KCNQ1: variants seen among roughly 807,000 people sequenced by gnomAD.
KCNQ1 encodes potassium voltage-gated channel subfamily KQT member 1.
KCNQ1 carries 49 observed loss-of-function variants against 72.4 expected under a neutral mutation model. The ratio of observed to expected loss-of-function variants is 0.68; its 90% CI spans 0.54 to 0.86. The LOEUF (loss-of-function observed/expected upper bound fraction) is 0.86. KCNQ1 is among the 40% of genes least tolerant of loss of function. The pLI, the probability that KCNQ1 is intolerant of heterozygous loss-of-function variation, is 0.00. For synonymous variants in KCNQ1, 450 were observed against 412.6 expected (o/e 1.09, Z -1.10); for missense variants, 790 against 945.1 (o/e 0.84, Z 2.15).
At chr11:2,747,345 C>T (rs1010494702) in intron 11 of KCNQ1, among the ~76,000 whole-genome samples, 1 of 152,220 alleles carries the variant, frequency 6.6e-6, no homozygotes, top group Non-Finnish European at 1.5e-5. Context: ...GTTTATTAAC[C>T]TCTCCTTCCC....
intron 10 of KCNQ1, among the ~76,000 whole-genome samples, chr11:2,606,451 G>A (rs1325617015): frequency 2.6e-5 from 4 of 152,108 alleles, no homozygotes; most frequent in Non-Finnish European, 4.4e-5. Flanking sequence ...TCTTACTCTG[G>A]TAGTTTATGC....
rs548246091 is a variant in KCNQ1 at position 2,447,304 on chromosome 11, G to A, written c.386+1820G>A. 1.3e-5 allele frequency among the ~76,000 whole-genome samples: 2 copies of A among 152,330 alleles called. No homozygotes were observed. Among genetic ancestry groups the A allele is most frequent in the East Asian group, 3.9e-4 (2 of 5,186 alleles). Reference sequence around the variant, plus strand: ...GGCTTCTGGGGACAGGGGCAGGATGGCTTCTGTGAAGGGGTGGCCAGGAAA... The same window carrying A: ...GGCTTCTGGGGACAGGGGCAGGATGACTTCTGTGAAGGGGTGGCCAGGAAA... On this transcript the variant is annotated intron_variant, in intron 1 of 15. Transcript: ENST00000155840. The surrounding 1 kb of genome is among the most constrained non-coding windows in gnomAD (Gnocchi z 7.6).
Position 2,803,564 on chromosome 11 carries a change from G to A in KCNQ1, c.1794+25527G>A, listed in dbSNP as rs924694586. 3.8e-4 allele frequency among the ~76,000 whole-genome samples: 58 copies of A among 152,098 alleles called. No homozygotes were observed. The highest frequency in any genetic ancestry group is 1.3e-3 in the African/African-American group (52 of 41,408). On this transcript the variant is annotated intron_variant, in intron 15 of 15. Transcript: ENST00000155840. The surrounding 1 kb of genome is among the most constrained non-coding windows in gnomAD (Gnocchi z 6.4). ...CACTGGCAGAGCTGGGGGTGATGGGGCTTCAGTGGAGCCCGCCAGGACTGG... is the reference window on the plus strand; with the variant it reads ...CACTGGCAGAGCTGGGGGTGATGGGACTTCAGTGGAGCCCGCCAGGACTGG...
chr11:2,532,323 G>A (rs179432), intron 2 of KCNQ1, among the ~76,000 whole-genome samples: 111,517 of 151,748 alleles, frequency 0.73, 41,275 homozygotes, highest in Non-Finnish European at 0.78. Flanking sequence ...GAGTTGCCCA[G>A]CGAGGATGAC....
In KCNQ1 at chr11:2,752,576, G is replaced by C. The variant is rs1846243984; in HGVS notation, c.1515-16268G>C. The stretch of plus-strand genomic sequence containing the variant: ...TGGTAAGGGGTCTGTCTGATTCATG[G>C]AAGTCAGCGGGCTGTGTCCTCACGT... On this transcript the variant is annotated intron_variant, in intron 11 of 15. Transcript: ENST00000155840. The surrounding 1 kb of genome is among the most constrained non-coding windows in gnomAD (Gnocchi z 5.2). 6.6e-6 allele frequency among the ~76,000 whole-genome samples: 1 copy of C among 152,156 alleles called. No individual in the cohort carries two copies. Among genetic ancestry groups the C allele is most frequent in the South Asian group, 2.1e-4 (1 of 4,820 alleles).
rs1414105094 is a variant in KCNQ1, at chr11:2,543,119, CT to C, written c.477+15104del. 6.6e-6 allele frequency among the ~76,000 whole-genome samples: 1 copy of C among 152,122 alleles called. No homozygotes were observed. The highest frequency in any genetic ancestry group is 1.5e-5 in the Non-Finnish European group (1 of 68,038). On this transcript the variant is annotated intron_variant, in intron 2 of 15. Transcript: ENST00000155840. The surrounding 1 kb of genome is among the most constrained non-coding windows in gnomAD (Gnocchi z 5.6). ...TGTTTCATTGGCATCCAGGAAACAT[CT>C]TTGGTGACATATCTTTTTAAATGTT...
At position 2,787,708 on chromosome 11, in the gene KCNQ1, A is replaced by G. The variant is rs1156316524; in HGVS notation, c.1794+9671A>G. On this transcript the variant is annotated intron_variant, in intron 15 of 15. Coordinates refer to ENST00000155840, the MANE Select transcript of KCNQ1 (RefSeq NM_000218.3). The surrounding 1 kb of genome is among the most constrained non-coding windows in gnomAD (Gnocchi z 6.3). ...ACTGGGTCTTCAAAAGCCACTGCAT[A>G]TTTTACACATTTCAATTTAGACACC... 6.6e-6 allele frequency among the ~76,000 whole-genome samples: 1 copy of G among 152,276 alleles called. No individual in the cohort carries two copies. The highest frequency in any genetic ancestry group is 3.4e-3 in the Middle Eastern group (1 of 294).
In KCNQ1 at chr11:2,538,226, G is replaced by A. The variant is rs1847768216; in HGVS notation, c.477+10208G>A. Among the ~76,000 whole-genome samples the A allele has an allele frequency of 6.6e-6, 1 of 152,154 alleles. No individual in the cohort carries two copies. Among genetic ancestry groups the A allele is most frequent in the East Asian group, 1.9e-4 (1 of 5,182 alleles). On this transcript the variant is annotated intron_variant, in intron 2 of 15. Coordinates refer to ENST00000155840, the MANE Select transcript of KCNQ1 (RefSeq NM_000218.3). The surrounding 1 kb of genome is among the most constrained non-coding windows in gnomAD (Gnocchi z 6.7). ...TGGCTGGTTTTTTCTCATTGCACATGGCTGTCACGCGGTTTCAGCTTCTTT... is the reference window on the plus strand; with the variant it reads ...TGGCTGGTTTTTTCTCATTGCACATAGCTGTCACGCGGTTTCAGCTTCTTT...
rs1255465839 is a variant in KCNQ1 at position 2,653,130 on chromosome 11, C to T, written c.1394-8831C>T. 3 of 398,648 alleles carry T rather than the reference C, an allele frequency of 7.5e-6. No homozygotes were observed. The highest frequency in any genetic ancestry group is 6.2e-5 in the African/African-American group (3 of 48,652). 24.7% of individuals were successfully genotyped at this position (398,648 alleles called of 1,614,324 possible). On this transcript the variant is annotated intron_variant, in intron 10 of 15. Coordinates refer to ENST00000155840, the MANE Select transcript of KCNQ1 (RefSeq NM_000218.3). The surrounding 1 kb of genome is among the most constrained non-coding windows in gnomAD (Gnocchi z 5.3). Reference sequence around the variant, plus strand: ...GAAGGTTTGGGGAGATGAGGACTTGCATCACAGCAGTAGAAAGCCAATGTC... The same window carrying T: ...GAAGGTTTGGGGAGATGAGGACTTGTATCACAGCAGTAGAAAGCCAATGTC...
At chr11:2,632,203 AGAAAT>A (rs1159277452) in intron 10 of KCNQ1, 54 of 397,254 alleles carry the variant, frequency 1.4e-4, no homozygotes, top group African/African-American at 1.0e-3. Flanking sequence ...AAAAAAAAAA[AGAAAT>A]GCAACTGAAT....
At chr11:2,531,494 G>A (rs969562214) in intron 2 of KCNQ1, among the ~76,000 whole-genome samples, 5 of 152,224 alleles carry the variant, frequency 3.3e-5, no homozygotes, top group African/African-American at 1.2e-4. Context: ...CCCCAGGGAA[G>A]CCTCCAAGAT....
rs1368970296 is a variant in KCNQ1, at chr11:2,451,691, G to T, written c.386+6207G>T. Among the ~76,000 whole-genome samples the T allele has an allele frequency of 1.3e-5, 2 of 152,200 alleles. No homozygotes were observed. Among genetic ancestry groups the T allele is most frequent in the Non-Finnish European group, 2.9e-5 (2 of 68,028 alleles). On this transcript the variant is annotated intron_variant, in intron 1 of 15. Transcript: ENST00000155840. This position sits in a 1 kb window ranked among gnomAD's most constrained non-coding sequence, Gnocchi z 6.4. ...GGAACTTCTCCTGATGGAAGAGCCG[G>T]GCTGGGGAGCTGACTCCAGGACAGG...
At chr11:2,583,003 G>A (rs1004999027) in intron 6 of KCNQ1, among the ~76,000 whole-genome samples, 4 of 152,124 alleles carry the variant, frequency 2.6e-5, no homozygotes, top group South Asian at 2.1e-4. Context: ...GAAGCAGCGC[G>A]TCATCCCAGC....
intron 2 of KCNQ1, among the ~76,000 whole-genome samples, chr11:2,558,119 T>A (rs1051700919): frequency 1.3e-5 from 2 of 152,232 alleles, no homozygotes; most frequent in African/African-American, 2.4e-5. Flanking sequence ...GTGCGGGCCC[T>A]GTAGGGCGTT....
In KCNQ1 at chr11:2,679,892, T is replaced by A. The variant is rs985630114; in HGVS notation, c.1514+17811T>A. 2.0e-5 allele frequency: 8 copies of A among 398,078 alleles called. No homozygotes were observed. Among genetic ancestry groups the A allele is most frequent in the Non-Finnish European group, 3.5e-5 (8 of 226,042 alleles). 24.7% of individuals were successfully genotyped at this position (398,078 alleles called of 1,614,324 possible). On this transcript the variant is annotated intron_variant, in intron 11 of 15. Transcript: ENST00000155840. The surrounding 1 kb of genome is among the most constrained non-coding windows in gnomAD (Gnocchi z 4.8). ...CTTAGAACTAGCACGCCTAATTTTT[T>A]TTTTATTTTTATTTTTTTTGAGGCA...
intron 1 of KCNQ1, chr11:2,461,536 A>G: frequency 2.2e-6 from 3 of 1,346,224 alleles, no homozygotes; most frequent in Middle Eastern, 3.0e-4. Flanking sequence ...GGAGTGTAGG[A>G]TGGCACTGGT....
Position 2,626,568 on chromosome 11 carries a change from GC to G in KCNQ1, c.1394-35390del, listed in dbSNP as rs1849265313. 2 of 398,530 alleles carry G rather than the reference GC, an allele frequency of 5.0e-6. No homozygotes were observed. Among genetic ancestry groups the G allele is most frequent in the Admixed American group, 4.4e-5 (1 of 22,714 alleles). The allele number at this position is 398,530 out of a possible 1,614,324, so 24.7% of individuals were successfully genotyped here. A position where few individuals can be genotyped will look rare whatever the true frequency, so the allele number is the denominator to read the frequency against. On this transcript the variant is annotated intron_variant, in intron 10 of 15. Coordinates refer to ENST00000155840, the MANE Select transcript of KCNQ1 (RefSeq NM_000218.3). The surrounding 1 kb of genome is among the most constrained non-coding windows in gnomAD (Gnocchi z 4.0). ...GTTTTTCAGACATTCTTACTCTGTT[GC>G]CCACGCTGGAGTACAGTGGCATTAT...
rs36157752 is a variant in KCNQ1, at chr11:2,458,633, CTGGATGGATGGATGGATGGA to C, written c.386+13183_386+13202del. On this transcript the variant is annotated intron_variant, in intron 1 of 15. Coordinates refer to ENST00000155840, the MANE Select transcript of KCNQ1 (RefSeq NM_000218.3). The surrounding 1 kb of genome is among the most constrained non-coding windows in gnomAD (Gnocchi z 4.6). ...GCTCCCATCCACAATGCTTCCTTGC[CTGGATGGATGGATGGATGGA>C]TGGATGGATGGATGGATGGATGGAT... Among the ~76,000 whole-genome samples the C allele has an allele frequency of 0.038, 5,769 of 149,924 alleles. 285 individuals are homozygous for C. Among genetic ancestry groups the C allele is most frequent in the African/African-American group, 0.12 (4,770 of 41,032 alleles).
intron 10 of KCNQ1, chr11:2,634,302 A>G (rs967179387): frequency 6.2e-6 from 2 of 320,164 alleles, no homozygotes; most frequent in African/African-American, 4.6e-5. Flanking sequence ...TATATCTCCT[A>G]ATGCTTTCCC....
Sources: allele counts gnomAD v4.1 joint callset (sites outside exome capture counted in the v4.1 genomes callset), GRCh38; gene constraint gnomAD v4.1.1; non-coding constraint Gnocchi (gnomAD v3.1); transcripts MANE v1.5; gene names NCBI Gene and HGNC (gene_info 2026-07-23, HGNC 2026-07-21).